NRG3: variants seen among roughly 807,000 people sequenced by gnomAD.
The protein encoded by NRG3 is neuregulin 3, also known as pro-neuregulin-3, membrane-bound isoform.
A neutral mutation model predicts 66.9 loss-of-function variants in NRG3; 31 were observed. That is an observed-to-expected ratio of 0.46 (90% CI 0.35 to 0.63). The LOEUF is 0.63. Ranked by LOEUF, NRG3 falls within the 20% of genes least tolerant of loss-of-function variation. The pLI is 0.00. For synonymous variants in NRG3, 393 were observed against 359.4 expected (o/e 1.09, Z -1.06); for missense variants, 910 against 878.9 (o/e 1.04, Z -0.45).
intron 2 of NRG3, among the ~76,000 whole-genome samples, chr10:82,661,585 T>G (rs1247815694): frequency 2.6e-5 from 4 of 151,262 alleles, no homozygotes; most frequent in Non-Finnish European, 5.9e-5. Context: ...TCTGGTATAT[T>G]TGTGTGTGTG....
intron 2 of NRG3, among the ~76,000 whole-genome samples, chr10:82,644,874 A>C (rs921604194): frequency 3.9e-5 from 6 of 152,168 alleles, no homozygotes; most frequent in Non-Finnish European, 7.3e-5. Context: ...CTCAAACAGG[A>C]TGAAGCCATG....
intron 1 of NRG3, among the ~76,000 whole-genome samples, chr10:81,988,282 A>G (rs1195974782): frequency 2.6e-5 from 4 of 152,180 alleles, no homozygotes; most frequent in Non-Finnish European, 5.9e-5. Flanking sequence ...ATTTGAACTC[A>G]GTTCAAATAA....
At chr10:82,406,953 C>T (rs1224320917) in intron 2 of NRG3, among the ~76,000 whole-genome samples, 3 of 152,048 alleles carry the variant, frequency 2.0e-5, no homozygotes, top group African/African-American at 7.2e-5. Flanking sequence ...ATCATCATTA[C>T]TATTCTTTTT....
chr10:82,797,132 C>T (rs1319645339), intron 3 of NRG3, among the ~76,000 whole-genome samples: 3 of 152,204 alleles, frequency 2.0e-5, no homozygotes, highest in East Asian at 1.9e-4. Context: ...CCATTGCGTT[C>T]GACACTGTTG....
intron 3 of NRG3, among the ~76,000 whole-genome samples, chr10:82,830,457 A>G (rs1447032728): frequency 2.0e-5 from 3 of 152,208 alleles, no homozygotes; most frequent in Non-Finnish European, 4.4e-5. Flanking sequence ...ATTTTCAGCT[A>G]CCTAGATGAT....
At chr10:81,885,315 G>A (rs552142129) in intron 1 of NRG3, among the ~76,000 whole-genome samples, 1 of 152,290 alleles carries the variant, frequency 6.6e-6, no homozygotes, top group African/African-American at 2.4e-5. Context: ...TGGAATGATA[G>A]CCTTTTAGTT....
intron 2 of NRG3, among the ~76,000 whole-genome samples, chr10:82,475,070 A>AC (rs1841645803): frequency 6.6e-6 from 1 of 152,054 alleles, no homozygotes; most frequent in African/African-American, 2.4e-5. Flanking sequence ...AAAAACAGCA[A>AC]GAAAAAGCTA....
rs572034359 is a variant in NRG3, at chr10:82,716,033, A to G, written c.954-22544A>G. Among the ~76,000 whole-genome samples, 3 of 152,226 alleles carry G rather than the reference A, an allele frequency of 2.0e-5. No individual in the cohort carries two copies. In the South Asian group the frequency reaches 6.2e-4, roughly 32 times the overall value. ...CACCTCCAAATACCATCACACTGAA[A>G]AATAGAGTTTCAACATATAAACTTT... On this transcript the variant is annotated intron_variant, in intron 2 of 8. Coordinates refer to ENST00000372141, the MANE Select transcript of NRG3 (RefSeq NM_001010848.4).
intron 2 of NRG3, among the ~76,000 whole-genome samples, chr10:82,513,452 A>G (rs1050327776): frequency 3.3e-5 from 5 of 152,340 alleles, no homozygotes; most frequent in African/African-American, 1.2e-4. Flanking sequence ...AATAATTTAT[A>G]TTCCTATGGG....
At chr10:81,927,003 T>C (rs993642248) in intron 1 of NRG3, among the ~76,000 whole-genome samples, 1 of 152,224 alleles carries the variant, frequency 6.6e-6, no homozygotes, top group African/African-American at 2.4e-5. Flanking sequence ...AGTATTGTAA[T>C]GTAATGACTT....
At chr10:82,414,980 T>C (rs1590048357) in intron 2 of NRG3, among the ~76,000 whole-genome samples, 4 of 152,182 alleles carry the variant, frequency 2.6e-5, no homozygotes. Context: ...TCTCTTTTAT[T>C]TAAATCAACT....
At chr10:82,864,335 T>C (rs1302402872) in intron 3 of NRG3, among the ~76,000 whole-genome samples, 1 of 152,044 alleles carries the variant, frequency 6.6e-6, no homozygotes, top group Non-Finnish European at 1.5e-5. Flanking sequence ...TTTTTCCAAA[T>C]AAATTTTTTA....
At chr10:82,199,396 T>C (rs2074648783) in intron 1 of NRG3, among the ~76,000 whole-genome samples, 1 of 152,166 alleles carries the variant, frequency 6.6e-6, no homozygotes, top group South Asian at 2.1e-4. Flanking sequence ...GCAGCTCTGC[T>C]TAGTTCAAAC....
chr10:82,164,883 G>A (rs969579495), intron 1 of NRG3, among the ~76,000 whole-genome samples: 1 of 152,084 alleles, frequency 6.6e-6, no homozygotes, highest in Non-Finnish European at 1.5e-5. Flanking sequence ...AAATCAACTA[G>A]TAAAGGAGAA....
intron 2 of NRG3, among the ~76,000 whole-genome samples, chr10:82,672,676 A>T (rs2134050773): frequency 6.6e-6 from 1 of 152,304 alleles, no homozygotes; most frequent in East Asian, 1.9e-4. Flanking sequence ...ATCAAAACAA[A>T]ACAATTCCAG....
intron 3 of NRG3, among the ~76,000 whole-genome samples, chr10:82,807,797 C>T (rs1187081924): frequency 1.3e-5 from 2 of 152,136 alleles, no homozygotes; most frequent in African/African-American, 2.4e-5. Context: ...CCTGTCTTCT[C>T]TTATATGGCT....
chr10:82,811,754 C>T (rs1202917508), intron 3 of NRG3, among the ~76,000 whole-genome samples: 1 of 152,218 alleles, frequency 6.6e-6, no homozygotes, highest in Non-Finnish European at 1.5e-5. Flanking sequence ...CTGAGGCAAG[C>T]TCTTCCTGTT....
chr10:82,009,675 A>G (rs1295866822), intron 1 of NRG3, among the ~76,000 whole-genome samples: 1 of 150,186 alleles, frequency 6.7e-6, no homozygotes, highest in Non-Finnish European at 1.5e-5. Flanking sequence ...CACTCTCAAT[A>G]GAATTTTACA....
intron 3 of NRG3, among the ~76,000 whole-genome samples, chr10:82,834,084 G>T (rs1343559334): frequency 6.6e-6 from 1 of 152,062 alleles, no homozygotes; most frequent in Non-Finnish European, 1.5e-5. Context: ...GGTATATCAG[G>T]CCCAGATCAT....
Sources: gnomAD v4.1 joint callset for allele counts (sites outside exome capture counted in the v4.1 genomes callset) on GRCh38, gnomAD v4.1.1 for gene constraint, MANE v1.5 for transcripts, NCBI Gene and HGNC (gene_info 2026-07-23, HGNC 2026-07-21) for gene names.